Variants in TPMT observed in about 807,000 individuals in gnomAD.
TPMT encodes the protein S-adenosyl-L-methionine:thiopurine S-methyltransferase.
In TPMT, 18 loss-of-function variants were observed where a neutral mutation model predicts 34.2. That is an observed-to-expected ratio of 0.53 (90% CI 0.36 to 0.78). The LOEUF (loss-of-function observed/expected upper bound fraction) is 0.78. Ranked by LOEUF, TPMT falls within the 30% of genes least tolerant of loss-of-function variation. The pLI is 0.00. For synonymous variants in TPMT, 69 were observed against 92.4 expected (o/e 0.75, Z 1.45); for missense variants, 265 against 288.1 (o/e 0.92, Z 0.58).
intron 1 of TPMT, among the ~76,000 whole-genome samples, chr6:18,151,755 G>C (rs1784359319): frequency 6.6e-6 from 1 of 152,008 alleles, no homozygotes; most frequent in African/African-American, 2.4e-5. Context: ...CTCATGCCTG[G>C]CTAATGTCTT....
At chr6:18,137,926 C>T (rs776349872) in intron 6 of TPMT, among the ~76,000 whole-genome samples, 1 of 152,204 alleles carries the variant, frequency 6.6e-6, no homozygotes, top group African/African-American at 2.4e-5. Context: ...GCTGGGATTA[C>T]AGGCCACCAC....
rs1784247777 is a variant in TPMT, at chr6:18,146,332, T to C, written c.233+1491A>G. Among the ~76,000 whole-genome samples the C allele has an allele frequency of 6.6e-6, 1 of 152,068 alleles. No homozygotes were observed. The highest frequency in any genetic ancestry group is 1.5e-5 in the Non-Finnish European group (1 of 68,012). On this transcript the variant is annotated intron_variant, in intron 3 of 8. Transcript: ENST00000309983. The surrounding 1 kb of genome is among the most constrained non-coding windows in gnomAD (Gnocchi z 6.2). Reference sequence around the variant, plus strand: ...CTCCTGCTTCAGCTTCTCAGGTAGTTGGGATTACAAGCGTACGCTGCCATG... The same window carrying C: ...CTCCTGCTTCAGCTTCTCAGGTAGTCGGGATTACAAGCGTACGCTGCCATG...
At position 18,139,833 on chromosome 6, in the gene TPMT, C is replaced by T. The variant is rs887297246; in HGVS notation, c.367-116G>A. 2 of 676,320 alleles carry T rather than the reference C, an allele frequency of 3.0e-6. No individual in the cohort carries two copies. The highest frequency in any genetic ancestry group is 3.7e-5 in the African/African-American group (2 of 54,382). The allele number at this position is 676,320 out of a possible 1,614,324, so 41.9% of individuals were successfully genotyped here. A position where few individuals can be genotyped will look rare whatever the true frequency, so the allele number is the denominator to read the frequency against. On this transcript the variant is annotated intron_variant, in intron 4 of 8. Coordinates refer to ENST00000309983, the MANE Select transcript of TPMT (RefSeq NM_000367.5). The surrounding 1 kb of genome is among the most constrained non-coding windows in gnomAD (Gnocchi z 4.2). ...CTAGGGAAAGAATGTGTTAATTAAA[C>T]ATAATTAAAGTAAATAATTTTACTG...
intron 3 of TPMT, 58 bp downstream of exon 3, chr6:18,147,765 C>A: frequency 1.3e-6 from 2 of 1,501,818 alleles, no homozygotes; most frequent in South Asian, 2.3e-5. Flanking sequence ...CCTGTTAAAT[C>A]ACCCAAAGAA....
Position 18,140,187 on chromosome 6 carries a change from A to G in TPMT, c.367-470T>C, listed in dbSNP as rs569109009. Among the ~76,000 whole-genome samples the G allele has an allele frequency of 1.3e-5, 2 of 152,318 alleles. No individual in the cohort carries two copies. The highest frequency in any genetic ancestry group is 1.9e-4 in the East Asian group (1 of 5,188). On this transcript the variant is annotated intron_variant, in intron 4 of 8. Transcript: ENST00000309983. The surrounding 1 kb of genome is among the most constrained non-coding windows in gnomAD (Gnocchi z 4.7). ...CATTTATTTGCTGAGTACCTAATAG[A>G]CAAGACATCTATCCTGGGTTCTTGA...
rs1260803501 is a variant in TPMT, at chr6:18,145,736, C to G, written c.234-2008G>C. On this transcript the variant is annotated intron_variant, in intron 3 of 8. Transcript: ENST00000309983. The surrounding 1 kb of genome is among the most constrained non-coding windows in gnomAD (Gnocchi z 5.6). ...CATTTTTTAAGTTATAAAATGTAAA[C>G]AAAAACATTATTCAAATTGGCTGTA... is the stretch of plus-strand genomic sequence containing the variant. Among the ~76,000 whole-genome samples the G allele has an allele frequency of 2.0e-5, 3 of 152,080 alleles. No homozygotes were observed. The highest frequency in any genetic ancestry group is 4.8e-5 in the African/African-American group (2 of 41,422).
At position 18,135,452 on chromosome 6, in the gene TPMT, T is replaced by C. The variant is rs2842951; in HGVS notation, c.495-1563A>G. 0.66 allele frequency among the ~76,000 whole-genome samples: 99,951 copies of C among 152,038 alleles called. 34,569 individuals carry two copies. The highest frequency in any genetic ancestry group is 0.81 in the East Asian group (4,214 of 5,178). ...CAGAAAATACATCAGTACTTGACAA[T>C]GTACAATCTAAGGAGAAGACACCCA... On this transcript the variant is annotated intron_variant, in intron 6 of 8. Coordinates refer to ENST00000309983, the MANE Select transcript of TPMT (RefSeq NM_000367.5). This position sits in a 1 kb window ranked among gnomAD's most constrained non-coding sequence, Gnocchi z 5.0.
chr6:18,150,527 T>A lies in TPMT; in HGVS notation c.-44-1356A>T, dbSNP rs1225528064. On this transcript the variant is annotated intron_variant, in intron 1 of 8. Coordinates refer to ENST00000309983, the MANE Select transcript of TPMT (RefSeq NM_000367.5). This position sits in a 1 kb window ranked among gnomAD's most constrained non-coding sequence, Gnocchi z 5.3. Reference sequence around the variant, plus strand: ...GACAGCTAGCTTTCTGGGATCGCTCTTCATCATCATTCTGGAGATTTCCTT... The same window carrying A: ...GACAGCTAGCTTTCTGGGATCGCTCATCATCATCATTCTGGAGATTTCCTT... Among the ~76,000 whole-genome samples the A allele has an allele frequency of 6.6e-6, 1 of 152,198 alleles. No individual in the cohort carries two copies. Among genetic ancestry groups the A allele is most frequent in the Non-Finnish European group, 1.5e-5 (1 of 68,034 alleles).
At position 18,143,866 on chromosome 6, in the gene TPMT, C is replaced by T; in HGVS notation, c.234-138G>A. 8.8e-7 allele frequency: 1 copy of T among 1,131,462 alleles called. No homozygotes were observed. The highest frequency in any genetic ancestry group is 1.3e-6 in the Non-Finnish European group (1 of 793,410). 70.1% of individuals were successfully genotyped at this position (1,131,462 alleles called of 1,614,324 possible). On this transcript the variant is annotated intron_variant, in intron 3 of 8. Transcript: ENST00000309983. This position sits in a 1 kb window ranked among gnomAD's most constrained non-coding sequence, Gnocchi z 6.1. ...GGTTCATAGGGTTTCAAAGAACATG[C>T]AGGAAAGCAGATCTATATTATTTTC...
At position 18,129,583 on chromosome 6, in the gene TPMT, AAAG is replaced by A. The variant is rs1336250500; in HGVS notation, c.*1082_*1084del. The A allele has an allele frequency of 2.6e-5, 4 of 152,354 alleles. No individual in the cohort carries two copies. In the East Asian group the frequency reaches 7.7e-4, roughly 29 times the overall value. The allele number at this position is 152,354 out of a possible 1,614,324, so 9.4% of individuals were successfully genotyped here. ...CTGTCTGATATAACAAAATGTGGTT[AAAG>A]AAGAACTGAGAAATCTAACCTTTCA... On this transcript the variant is annotated 3_prime_UTR_variant, in exon 9 of 9. Coordinates refer to ENST00000309983, the MANE Select transcript of TPMT (RefSeq NM_000367.5).
At position 18,149,051 on chromosome 6, in the gene TPMT, A is replaced by G. The variant is rs1784299755; in HGVS notation, c.77T>C (p.Leu26Pro). ...TEVQKNQVLT[L>P]EEWQDKWVNG... Reference sequence around the variant, plus strand: ...CACCCACTTGTCTTGCCATTCTTCCAGAGTTAGTACTTGGTTTTTCTGTAC... The same window carrying G: ...CACCCACTTGTCTTGCCATTCTTCCGGAGTTAGTACTTGGTTTTTCTGTAC... The change falls in exon 2 of 9, where the codon CTG (leucine) becomes CCG (proline). Residue 26 changes from leucine to proline, a missense_variant. Physicochemically the swap from Leu to Pro is moderately conservative, Grantham distance 98. Coordinates refer to ENST00000309983, the MANE Select transcript of TPMT (RefSeq NM_000367.5). This position sits in a 1 kb window ranked among gnomAD's most constrained non-coding sequence, Gnocchi z 5.0. The G allele has an allele frequency of 6.2e-7, 1 of 1,614,044 alleles. No homozygotes were observed. The highest frequency in any genetic ancestry group is 1.3e-5 in the African/African-American group (1 of 74,920).
rs763954681 is a variant in TPMT at position 18,139,040 on chromosome 6, A to G, written c.420-3T>C. ...TGTCAAATTTGCCAATATTTGTCCT[A>G]CCAGAAAGAGAAAAAACATTTTATG... is the stretch of plus-strand genomic sequence containing the variant. On this transcript the variant is annotated splice_region_variant and splice_polypyrimidine_tract_variant and intron_variant, in intron 5 of 8. Coordinates refer to ENST00000309983, the MANE Select transcript of TPMT (RefSeq NM_000367.5). This position sits in a 1 kb window ranked among gnomAD's most constrained non-coding sequence, Gnocchi z 4.2. The G allele has an allele frequency of 7.3e-5, 117 of 1,613,360 alleles. 1 individual carries two copies. Among genetic ancestry groups the G allele is most frequent in the Middle Eastern group, 1.6e-4 (1 of 6,080 alleles).
Position 18,143,401 on chromosome 6 carries a change from C to T in TPMT, c.366+195G>A, listed in dbSNP as rs557738191. ...AGGCTTTGACCTCAGCTTTTATATA[C>T]ATATGTCTATACCTATTTAGGTAGC... is the stretch of plus-strand genomic sequence containing the variant. On this transcript the variant is annotated intron_variant, in intron 4 of 8. Coordinates refer to ENST00000309983, the MANE Select transcript of TPMT (RefSeq NM_000367.5). The surrounding 1 kb of genome is among the most constrained non-coding windows in gnomAD (Gnocchi z 6.1). Among the ~76,000 whole-genome samples the T allele has an allele frequency of 4.6e-5, 7 of 152,292 alleles. No homozygotes were observed. Among genetic ancestry groups the T allele is most frequent in the Non-Finnish European group, 7.3e-5 (5 of 68,032 alleles).
At chr6:18,144,970 C>A (rs1372423438) in intron 3 of TPMT, among the ~76,000 whole-genome samples, 1 of 152,126 alleles carries the variant, frequency 6.6e-6, no homozygotes, top group Non-Finnish European at 1.5e-5. Flanking sequence ...ATCTGCCTGC[C>A]TCAGCCTCCC....
Position 18,139,604 on chromosome 6 carries a change from T to A in TPMT, c.419+61A>T. ...AGTGAGGAAGACACCTCCACTCCCA[T>A]GCCTGCACTGCCTGGCAAGCATTCA... On this transcript the variant is annotated intron_variant, in intron 5 of 8. Coordinates refer to ENST00000309983, the MANE Select transcript of TPMT (RefSeq NM_000367.5). The surrounding 1 kb of genome is among the most constrained non-coding windows in gnomAD (Gnocchi z 4.2). 1 of 1,364,494 alleles carries A rather than the reference T, an allele frequency of 7.3e-7. No individual in the cohort carries two copies. Among genetic ancestry groups the A allele is most frequent in the Non-Finnish European group, 1.0e-6 (1 of 953,776 alleles). The allele number at this position is 1,364,494 out of a possible 1,614,324, so 84.5% of individuals were successfully genotyped here. A position where few individuals can be genotyped will look rare whatever the true frequency, so the allele number is the denominator to read the frequency against.
intron 4 of TPMT, among the ~76,000 whole-genome samples, chr6:18,142,003 A>T (rs1784150724): frequency 6.6e-6 from 1 of 152,086 alleles, no homozygotes; most frequent in Non-Finnish European, 1.5e-5. Flanking sequence ...GCATAATAAG[A>T]TTAGGGTGGG....
chr6:18,141,363 A>G (rs1784136550), intron 4 of TPMT, among the ~76,000 whole-genome samples: 1 of 148,418 alleles, frequency 6.7e-6, no homozygotes, highest in South Asian at 2.1e-4. Flanking sequence ...TTTTTGAGAC[A>G]GAGTCTTACT....
chr6:18,149,166 C>CG lies in TPMT; in HGVS notation c.-40_-39insC, dbSNP rs1784305107. 1 of 1,613,462 alleles carries CG rather than the reference C, an allele frequency of 6.2e-7. No homozygotes were observed. Among genetic ancestry groups the CG allele is most frequent in the Admixed American group, 1.7e-5 (1 of 60,000 alleles). ...CCTTTGTCTCACAAGCATATGTCTT[C>CG]CGTGCCTACGTGGAAAATATTTGCA... is the stretch of plus-strand genomic sequence containing the variant. On this transcript the variant is annotated 5_prime_UTR_variant, in exon 2 of 9. Coordinates refer to ENST00000309983, the MANE Select transcript of TPMT (RefSeq NM_000367.5). The surrounding 1 kb of genome is among the most constrained non-coding windows in gnomAD (Gnocchi z 5.0).
Position 18,132,217 on chromosome 6 carries a change from G to A in TPMT, c.581-40C>T, listed in dbSNP as rs758629959. ...AATAAATTCTGAGTTTATTTCCAAT[G>A]ACGTAGGTGTACTTGTTCTACATAC... On this transcript the variant is annotated intron_variant, in intron 7 of 8. Transcript: ENST00000309983. The surrounding 1 kb of genome is among the most constrained non-coding windows in gnomAD (Gnocchi z 4.8). 4 of 1,588,036 alleles carry A rather than the reference G, an allele frequency of 2.5e-6. No homozygotes were observed. The highest frequency in any genetic ancestry group is 3.5e-6 in the Non-Finnish European group (4 of 1,156,784).
Sources: gnomAD v4.1 joint callset for allele counts (sites outside exome capture counted in the v4.1 genomes callset) on GRCh38, gnomAD v4.1.1 for gene constraint, Gnocchi (gnomAD v3.1) non-coding constraint, MANE v1.5 for transcripts, NCBI Gene and HGNC (gene_info 2026-07-23, HGNC 2026-07-21) for gene names.